SEPSECS: variants seen among roughly 807,000 people sequenced by gnomAD.
SEPSECS encodes Sep (O-phosphoserine) tRNA:Sec (selenocysteine) tRNA synthase.
In SEPSECS, 42 loss-of-function variants were observed where a neutral mutation model predicts 52.1. That is an observed-to-expected ratio of 0.81 (90% CI 0.63 to 1.04). The LOEUF is 1.04. Ranked by LOEUF, SEPSECS falls within the 50% of genes least tolerant of loss-of-function variation. The pLI is 0.00. For synonymous variants in SEPSECS, 216 were observed against 211.4 expected, an observed-to-expected ratio of 1.02 and a Z score of -0.19; for missense variants, 590 against 610.6, an observed-to-expected ratio of 0.97 and a Z score of 0.36.
At chr4:25,134,298 G>C (rs1016943608) in intron 8 of SEPSECS, among the ~76,000 whole-genome samples, 2 of 148,476 alleles carry the variant, frequency 1.3e-5, no homozygotes, top group African/African-American at 5.0e-5. Context: ...GAGCAGCATA[G>C]CAAGACCCCA....
At chr4:25,156,753 C>T in intron 3 of SEPSECS, 103 bp downstream of exon 3, 2 of 587,142 alleles carry the variant, frequency 3.4e-6, no homozygotes, top group South Asian at 1.8e-5. Context: ...TTTCAAAAGC[C>T]ACTCATACTC....
chr4:25,150,184 T>C (rs1712214619), intron 6 of SEPSECS, among the ~76,000 whole-genome samples: 1 of 152,250 alleles, frequency 6.6e-6, no homozygotes, highest in Admixed American at 6.5e-5. Flanking sequence ...TCTATTGTGC[T>C]TCAGAGCATT....
Position 25,160,320 on chromosome 4 carries a change from T to C in SEPSECS, c.50A>G (p.Tyr17Cys). Residue 17 changes from tyrosine (Y) to cysteine (C), a missense_variant, in exon 1 of 11, where the codon TAC (tyrosine) becomes TGC (cysteine). Coordinates refer to ENST00000382103, the MANE Select transcript of SEPSECS (RefSeq NM_016955.4). ...GCGGGCCTCACAGCCCTGCCGCACG[T>C]AAGCCGGCGACACCAGCCGCTCTCC... Reference protein sequence around the residue: ...AAGERLVSPAYVRQGCEARRS... With the variant: ...AAGERLVSPACVRQGCEARRS... 12 of 1,548,970 alleles carry C rather than the reference T, an allele frequency of 7.7e-6. No individual in the cohort carries two copies. Among genetic ancestry groups the C allele is most frequent in the Non-Finnish European group, 1.0e-5 (12 of 1,146,054 alleles).
intron 3 of SEPSECS, among the ~76,000 whole-genome samples, chr4:25,156,475 C>A (rs570651707): frequency 5.3e-4 from 81 of 151,514 alleles, no homozygotes; most frequent in African/African-American, 1.9e-3. Context: ...GAGGCCAAGG[C>A]GGGCGGATCA....
intron 6 of SEPSECS, among the ~76,000 whole-genome samples, chr4:25,147,557 A>G (rs1016004329): frequency 3.3e-5 from 5 of 152,122 alleles, no homozygotes; most frequent in African/African-American, 7.2e-5. Flanking sequence ...TTATATGCAT[A>G]TTTTTGTGAC....
At chr4:25,156,735 A>AAAT in intron 3 of SEPSECS, 121 bp downstream of exon 3, 1 of 539,584 alleles carries the variant, frequency 1.9e-6, no homozygotes, top group Non-Finnish European at 3.3e-6. Context: ...AAAAAAAAAA[A>AAAT]GAAGTCTTTT....
At chr4:25,129,115 C>T (rs539770068) in intron 8 of SEPSECS, among the ~76,000 whole-genome samples, 3 of 151,990 alleles carry the variant, frequency 2.0e-5, no homozygotes, top group African/African-American at 4.8e-5. Flanking sequence ...GTTGGAATTA[C>T]AAAAATCTTA....
chr4:25,157,539 C>CT (rs143797424), intron 2 of SEPSECS, among the ~76,000 whole-genome samples: 3,043 of 137,154 alleles, frequency 0.022, 43 homozygotes, highest in Middle Eastern at 0.034. Flanking sequence ...ATTAAATTAT[C>CT]TTTTTTTTTT....
rs760147331 is a variant in SEPSECS at position 25,124,075 on chromosome 4, A to C, written c.1362T>G (p.Leu454=). The C allele has an allele frequency of 9.3e-6, 15 of 1,613,770 alleles. No individual in the cohort carries two copies. The highest frequency in any genetic ancestry group is 1.1e-5 in the Non-Finnish European group (13 of 1,179,774). The change falls in exon 11 of 11, where the codon CTT becomes CTG. Residue 454 remains leucine (L), a synonymous_variant. Transcript: ENST00000382103. ...MQDVDLFIKR[L]DRCLKAVRKE... ...TTCTTACTGCCTTTAAACACCTGTC[A>C]AGTCTCTTTATGAACAGGTCCACAT...
intron 4 of SEPSECS, 99 bp downstream of exon 4, chr4:25,155,938 G>T: frequency 8.7e-7 from 1 of 1,148,200 alleles, no homozygotes; most frequent in Non-Finnish European, 1.3e-6. Flanking sequence ...AAGCAATAGG[G>T]AAGAGAGTTA....
rs1227074310 is a variant in SEPSECS, at chr4:25,139,289, G to A, written c.1026+5485C>T. Reference sequence around the variant, plus strand: ...TAAATATTTGTTTGAATGAATAAATGAATGAGCAGGGGCCAATACTATTTT... The same window carrying A: ...TAAATATTTGTTTGAATGAATAAATAAATGAGCAGGGGCCAATACTATTTT... On this transcript the variant is annotated intron_variant, in intron 8 of 10. Transcript: ENST00000382103. 6.6e-5 allele frequency among the ~76,000 whole-genome samples: 10 copies of A among 151,528 alleles called. No individual in the cohort carries two copies. In the East Asian group the frequency reaches 1.9e-3, roughly 29 times the overall value.
At chr4:25,159,544 G>C (rs991297539) in intron 1 of SEPSECS, 2 of 423,754 alleles carry the variant, frequency 4.7e-6, no homozygotes, top group African/African-American at 2.1e-5. Context: ...GGCCAAGAAT[G>C]GCCGATCACT....
chr4:25,149,278 G>A (rs1044750884), intron 6 of SEPSECS, among the ~76,000 whole-genome samples: 1 of 151,814 alleles, frequency 6.6e-6, no homozygotes, highest in African/African-American at 2.4e-5. Flanking sequence ...GTTGCCCAGG[G>A]AGGTCTCAAA....
At position 25,123,289 on chromosome 4, in the gene SEPSECS, T is replaced by A. The variant is rs906576188; in HGVS notation, c.*642A>T. 1 of 152,720 alleles carries A rather than the reference T, an allele frequency of 6.5e-6. No individual in the cohort carries two copies. The highest frequency in any genetic ancestry group is 1.5e-5 in the Non-Finnish European group (1 of 68,506). 9.5% of individuals were successfully genotyped at this position (152,720 alleles called of 1,614,324 possible). On this transcript the variant is annotated 3_prime_UTR_variant, in exon 11 of 11. Coordinates refer to ENST00000382103, the MANE Select transcript of SEPSECS (RefSeq NM_016955.4). ...GCTGGATAATTCTTTGTTGTGGGAGTTGTCCCATGCATTGTAGGATGTTGA... is the reference window on the plus strand; with the variant it reads ...GCTGGATAATTCTTTGTTGTGGGAGATGTCCCATGCATTGTAGGATGTTGA...
rs577655400 is a variant in SEPSECS at position 25,150,587 on chromosome 4, AC to A, written c.804+1372del. Among the ~76,000 whole-genome samples, 7 of 152,368 alleles carry A rather than the reference AC, an allele frequency of 4.6e-5. No homozygotes were observed. The East Asian group carries it at 1.3e-3, about 29-fold the overall frequency. On this transcript the variant is annotated intron_variant, in intron 6 of 10. Transcript: ENST00000382103. ...TTATATGTCACTACGTAAAAAAAAAACACTGCCTATTAACATTGTAAGACAC... is the reference window on the plus strand; with the variant it reads ...TTATATGTCACTACGTAAAAAAAAAAACTGCCTATTAACATTGTAAGACAC...
intron 1 of SEPSECS, chr4:25,159,771 C>A (rs959335865): frequency 3.7e-6 from 4 of 1,081,238 alleles, no homozygotes; most frequent in South Asian, 2.1e-5. Flanking sequence ...GACTCTGTTT[C>A]AAAAAAACAA....
intron 2 of SEPSECS, among the ~76,000 whole-genome samples, chr4:25,158,145 T>G (rs1232604258): frequency 6.6e-6 from 1 of 152,244 alleles, no homozygotes; most frequent in Non-Finnish European, 1.5e-5. Context: ...AAATCTCATG[T>G]ACAAAACATT....
At chr4:25,151,741 G>GATTCT (rs1712314236) in intron 6 of SEPSECS, among the ~76,000 whole-genome samples, 1 of 152,142 alleles carries the variant, frequency 6.6e-6, no homozygotes, top group Non-Finnish European at 1.5e-5. Context: ...TTTCTATGTT[G>GATTCT]ATTCTAGCCT....
chr4:25,144,816 T>G lies in SEPSECS; in HGVS notation c.984A>C (p.Ser328=). ...GCTTCTTATAGCCATTTGATCCAAG[T>G]GACAATAAAGTAATAAGGACATCTA... is the stretch of plus-strand genomic sequence containing the variant. ...PSLDVLITLL[S]LGSNGYKKLL... Residue 328 remains serine, a synonymous_variant, in exon 8 of 11, where the codon TCA becomes TCC. Transcript: ENST00000382103. 2 of 1,613,426 alleles carry G rather than the reference T, an allele frequency of 1.2e-6. No homozygotes were observed. The highest frequency in any genetic ancestry group is 8.5e-7 in the Non-Finnish European group (1 of 1,179,584).
Sources: gnomAD v4.1 joint callset for allele counts (sites outside exome capture counted in the v4.1 genomes callset) on GRCh38, gnomAD v4.1.1 for gene constraint, MANE v1.5 for transcripts, NCBI Gene and HGNC (gene_info 2026-07-23, HGNC 2026-07-21) for gene names.